The following POU2F1 variants were observed in gnomAD, a reference collection of about 807,000 sequenced individuals.
The protein encoded by POU2F1 is POU domain, class 2, transcription factor 1.
POU2F1 carries 16 observed loss-of-function variants against 84.9 expected under a neutral mutation model. The observed-to-expected ratio is 0.19, with a 90% CI of 0.13 to 0.29. POU2F1 has a LOEUF of 0.29. Among genes scored for constraint, POU2F1 ranks in the 10% least tolerant of loss-of-function variants. The pLI is 1.00. For synonymous variants in POU2F1, 368 were observed against 368.3 expected (o/e 1.00, Z 0.01); for missense variants, 738 against 942.6 (o/e 0.78, Z 2.84).
At chr1:167,327,329 C>T (rs376028256) in intron 1 of POU2F1, among the ~76,000 whole-genome samples, 77 of 152,164 alleles carry the variant, frequency 5.1e-4, no homozygotes, top group African/African-American at 1.7e-3. Flanking sequence ...AATTAAGGCT[C>T]GAAGAAGGAA....
intron 1 of POU2F1, among the ~76,000 whole-genome samples, chr1:167,225,828 G>A (rs1557828932): frequency 6.6e-6 from 1 of 151,994 alleles, no homozygotes; most frequent in Non-Finnish European, 1.5e-5. Flanking sequence ...GGTTATTTTT[G>A]TTTTGTTTTT....
intron 7 of POU2F1, chr1:167,379,234 CACTT>C (rs1197684372): frequency 2.0e-5 from 3 of 152,344 alleles, no homozygotes; most frequent in South Asian, 4.2e-4. Context: ...TATCTGGACT[CACTT>C]AGAGGAGTCT....
intron 2 of POU2F1, among the ~76,000 whole-genome samples, chr1:167,335,114 G>A (rs1466694988): frequency 6.6e-6 from 1 of 152,176 alleles, no homozygotes; most frequent in African/African-American, 2.4e-5. Flanking sequence ...TATGTTTGCA[G>A]AAAATTTATA....
chr1:167,221,464 C>A (rs1220927022), intron 1 of POU2F1, among the ~76,000 whole-genome samples: 1 of 148,590 alleles, frequency 6.7e-6, no homozygotes, highest in African/African-American at 2.5e-5. Context: ...GGGATGGAGG[C>A]GGCGGCGAGC....
At chr1:167,318,421 G>A (rs925270918) in intron 1 of POU2F1, among the ~76,000 whole-genome samples, 1 of 152,156 alleles carries the variant, frequency 6.6e-6, no homozygotes, top group Non-Finnish European at 1.5e-5. Context: ...CATCCCCTTA[G>A]GGGACCAATC....
intron 2 of POU2F1, among the ~76,000 whole-genome samples, chr1:167,339,666 G>A (rs898959463): frequency 2.0e-5 from 3 of 152,110 alleles, no homozygotes; most frequent in African/African-American, 7.2e-5. Flanking sequence ...AGTGTTATCT[G>A]TTCTCTGGTA....
chr1:167,384,769 T>A (rs1241588584), intron 8 of POU2F1, among the ~76,000 whole-genome samples: 1 of 152,014 alleles, frequency 6.6e-6, no homozygotes, highest in African/African-American at 2.4e-5. Context: ...AAAAACTGAA[T>A]ACTTTCCCCC....
intron 3 of POU2F1, among the ~76,000 whole-genome samples, chr1:167,367,957 A>G (rs1220726223): frequency 6.6e-6 from 1 of 152,168 alleles, no homozygotes; most frequent in Non-Finnish European, 1.5e-5. Flanking sequence ...AAAGTTGCAG[A>G]CATTATAACC....
chr1:167,309,067 A>G (rs1469853852), intron 1 of POU2F1, among the ~76,000 whole-genome samples: 2 of 148,894 alleles, frequency 1.3e-5, no homozygotes, highest in Admixed American at 1.3e-4. Flanking sequence ...TCTTTTTCAC[A>G]TATTCCCATA....
intron 8 of POU2F1, among the ~76,000 whole-genome samples, chr1:167,384,292 C>G (rs60603012): frequency 0.087 from 13,308 of 152,130 alleles, 1,853 homozygotes; most frequent in African/African-American, 0.3. Context: ...TCCATTGTTA[C>G]CCTTTACCCT....
Position 167,382,203 on chromosome 1 carries a change from T to C in POU2F1, c.719-1654T>C, listed in dbSNP as rs12022015. ...AAATGGTTTAGATACCAATAAGTACTAGTCAGGTAGCGGATCATAGTAATC... is the reference window on the plus strand; with the variant it reads ...AAATGGTTTAGATACCAATAAGTACCAGTCAGGTAGCGGATCATAGTAATC... On this transcript the variant is annotated intron_variant, in intron 7 of 15. Transcript: ENST00000367866. Among the ~76,000 whole-genome samples the C allele has an allele frequency of 5.1e-4, 77 of 152,306 alleles. No individual in the cohort carries two copies. The East Asian group carries it at 0.014, about 28-fold the overall frequency.
At chr1:167,367,695 A>G (rs577560525) in intron 3 of POU2F1, among the ~76,000 whole-genome samples, 2 of 152,314 alleles carry the variant, frequency 1.3e-5, no homozygotes, top group Middle Eastern at 3.4e-3. Context: ...CTATTTTACC[A>G]TATTTGCTTT....
rs1396388527 is a variant in POU2F1, at chr1:167,425,301, AAAAC to A, written c.*9499_*9502del. On this transcript the variant is annotated 3_prime_UTR_variant, in exon 16 of 16. Coordinates refer to ENST00000367866, the MANE Select transcript of POU2F1 (RefSeq NM_002697.4). The stretch of plus-strand genomic sequence containing the variant: ...GATTTCTTAATGATTGTATAAACTC[AAAAC>A]AAACAAAAGAACCAAAGAAAAGGGA... 1.3e-5 allele frequency: 2 copies of A among 152,314 alleles called. No homozygotes were observed. Among genetic ancestry groups the A allele is most frequent in the Admixed American group, 6.5e-5 (1 of 15,298 alleles). 9.4% of individuals were successfully genotyped at this position (152,314 alleles called of 1,614,324 possible).
chr1:167,278,275 A>C (rs1652878653), intron 1 of POU2F1, among the ~76,000 whole-genome samples: 1 of 152,214 alleles, frequency 6.6e-6, no homozygotes, highest in African/African-American at 2.4e-5. Flanking sequence ...AAAAGTGATT[A>C]TTGATATATG....
rs947700770 is a variant in POU2F1, at chr1:167,425,404, G to A, written c.*9594G>A. 11 of 152,408 alleles carry A rather than the reference G, an allele frequency of 7.2e-5. No homozygotes were observed. In the East Asian group the frequency reaches 1.7e-3, roughly 24 times the overall value. 9.4% of individuals were successfully genotyped at this position (152,408 alleles called of 1,614,324 possible). On this transcript the variant is annotated 3_prime_UTR_variant, in exon 16 of 16. Coordinates refer to ENST00000367866, the MANE Select transcript of POU2F1 (RefSeq NM_002697.4). ...GAGGCCAGGGAAGGTGGGGCGGGGG[G>A]ACCCTCTGACTGGATCAGAAAGGGC...
intron 12 of POU2F1, among the ~76,000 whole-genome samples, chr1:167,400,869 A>G (rs1257889212): frequency 6.6e-6 from 1 of 152,242 alleles, no homozygotes. Context: ...TAGTTGTTAA[A>G]TGGTGGGCCT....
At chr1:167,269,602 T>C (rs1652216476) in intron 1 of POU2F1, among the ~76,000 whole-genome samples, 1 of 152,188 alleles carries the variant, frequency 6.6e-6, no homozygotes, top group African/African-American at 2.4e-5. Context: ...AAAACTCTGT[T>C]ATTTTAATAT....
intron 1 of POU2F1, among the ~76,000 whole-genome samples, chr1:167,314,365 A>G (rs1006103976): frequency 5.9e-5 from 9 of 152,244 alleles, no homozygotes; most frequent in African/African-American, 2.2e-4. Flanking sequence ...TAGAACAGCT[A>G]AAATAAAAAA....
At chr1:167,402,602 G>A (rs1174232638) in intron 13 of POU2F1, among the ~76,000 whole-genome samples, 1 of 152,112 alleles carries the variant, frequency 6.6e-6, no homozygotes, top group Non-Finnish European at 1.5e-5. Flanking sequence ...ACAATTTTTA[G>A]TAAAATTTAA....
Sources: gnomAD v4.1 joint callset for allele counts (sites outside exome capture counted in the v4.1 genomes callset) on GRCh38, gnomAD v4.1.1 for gene constraint, MANE v1.5 for transcripts, NCBI Gene and HGNC (gene_info 2026-07-23, HGNC 2026-07-21) for gene names.